The following PIK3R1 variants were observed in gnomAD, a reference collection of about 807,000 sequenced individuals.
The protein encoded by PIK3R1 is phosphatidylinositol 3-kinase regulatory subunit alpha.
PIK3R1 carries 29 observed loss-of-function variants against 98.0 expected under a neutral mutation model. That is an observed-to-expected ratio of 0.30 (90% CI 0.22 to 0.40). The LOEUF is 0.40. PIK3R1 is among the 10% of genes least tolerant of loss of function. The pLI, the probability that PIK3R1 is intolerant of heterozygous loss-of-function variation, is 1.00. For missense variants in PIK3R1, 596 were observed against 872.7 expected, an observed-to-expected ratio of 0.68 and a Z score of 3.99; for synonymous variants, 282 against 311.8, an observed-to-expected ratio of 0.90 and a Z score of 1.01.
intron 1 of PIK3R1, among the ~76,000 whole-genome samples, chr5:68,224,080 C>T (rs914831808): frequency 1.3e-5 from 2 of 152,124 alleles, no homozygotes; most frequent in Non-Finnish European, 2.9e-5. Context: ...ACATACATTG[C>T]CAGGAAAAGC....
At chr5:68,217,641 T>TGGGG (rs1376047068) in intron 1 of PIK3R1, 1 of 137,680 alleles carries the variant, frequency 7.3e-6, no homozygotes, top group Non-Finnish European at 1.6e-5. Context: ...TGTGTGTGTG[T>TGGGG]GTGTGTGTGT....
chr5:68,226,199 T>C (rs752801984), intron 1 of PIK3R1, 91 bp from the exon 2 acceptor site: 4 of 380,676 alleles, frequency 1.1e-5, no homozygotes, highest in Non-Finnish European at 1.9e-5. Flanking sequence ...CCAAATCGAT[T>C]AAGTACTTGT....
intron 1 of PIK3R1, among the ~76,000 whole-genome samples, chr5:68,225,193 T>A (rs1249658243): frequency 6.6e-6 from 1 of 152,210 alleles, no homozygotes. Flanking sequence ...CTTTCCTTCC[T>A]CAGTTACATA....
At chr5:68,233,768 A>G (rs1744565695) in intron 2 of PIK3R1, among the ~76,000 whole-genome samples, 1 of 152,224 alleles carries the variant, frequency 6.6e-6, no homozygotes. Flanking sequence ...TGCAATTAAA[A>G]ACAAAACAAA....
rs73768888 is a variant in PIK3R1 at position 68,231,789 on chromosome 5, C to T, written c.334+4780C>T. Among the ~76,000 whole-genome samples the T allele has an allele frequency of 4.9e-3, 749 of 152,298 alleles. 5 individuals carry two copies. The highest frequency in any genetic ancestry group is 0.016 in the African/African-American group (657 of 41,556). On this transcript the variant is annotated intron_variant, in intron 2 of 15. Transcript: ENST00000521381. ...TCATAACATTCTTCACTCTTCCTTC[C>T]TACTTAAGTCTTTGCTGTGAACTTG... is the stretch of plus-strand genomic sequence containing the variant.
intron 7 of PIK3R1, chr5:68,291,343 T>C (rs1479399481): frequency 3.9e-5 from 6 of 152,238 alleles, no homozygotes; most frequent in African/African-American, 1.4e-4. Flanking sequence ...AAGTTGACTT[T>C]CCATTATTGT....
At chr5:68,262,884 GATACATGT>G (rs1561279025) in intron 2 of PIK3R1, among the ~76,000 whole-genome samples, 1 of 115,402 alleles carries the variant, frequency 8.7e-6, no homozygotes, top group East Asian at 2.7e-4. Context: ...GATACATGTA[GATACATGT>G]ATACATATAT....
chr5:68,275,891 C>T (rs1346336896), intron 4 of PIK3R1, among the ~76,000 whole-genome samples: 3 of 152,140 alleles, frequency 2.0e-5, no homozygotes, highest in African/African-American at 7.2e-5. Context: ...AAAGGACAGA[C>T]ATGGCAGACA....
chr5:68,264,944 G>A (rs1209461707), intron 2 of PIK3R1, among the ~76,000 whole-genome samples: 1 of 152,186 alleles, frequency 6.6e-6, no homozygotes, highest in African/African-American at 2.4e-5. Flanking sequence ...AGTATCATTT[G>A]GGGTCTGGTG....
intron 2 of PIK3R1, among the ~76,000 whole-genome samples, chr5:68,240,347 AT>A (rs1744828075): frequency 6.6e-6 from 1 of 152,210 alleles, no homozygotes; most frequent in Non-Finnish European, 1.5e-5. Flanking sequence ...GTACAGTTAT[AT>A]TGTAACTGTC....
chr5:68,293,859 TA>T (rs544279360), intron 11 of PIK3R1, 25 bp downstream of exon 11: 1 of 1,524,546 alleles, frequency 6.6e-7, no homozygotes, highest in Non-Finnish European at 8.8e-7. Flanking sequence ...AAAATCAGAT[TA>T]AAAAATAAGA....
intron 14 of PIK3R1, chr5:68,295,812 G>T: frequency 2.2e-6 from 1 of 460,920 alleles, no homozygotes; most frequent in Non-Finnish European, 3.9e-6. Flanking sequence ...TAAAGCTTAA[G>T]TATATACTTT....
intron 2 of PIK3R1, among the ~76,000 whole-genome samples, chr5:68,249,022 G>A (rs1485155382): frequency 6.6e-6 from 1 of 152,134 alleles, no homozygotes; most frequent in Non-Finnish European, 1.5e-5. Context: ...AGATAGAGGG[G>A]AAATAAGATA....
At chr5:68,295,658 T>A in intron 14 of PIK3R1, 170 bp downstream of exon 14, 1 of 633,320 alleles carries the variant, frequency 1.6e-6, no homozygotes, top group Non-Finnish European at 2.8e-6. Context: ...AAAAGAAAGC[T>A]TAGCTAAGGA....
At chr5:68,288,569 C>T in intron 7 of PIK3R1, 1 of 1,514,998 alleles carries the variant, frequency 6.6e-7, no homozygotes, top group Non-Finnish European at 8.8e-7. Context: ...AGGGTCCTGG[C>T]GGCGCCCCCG....
intron 2 of PIK3R1, among the ~76,000 whole-genome samples, chr5:68,256,061 G>A (rs1745503408): frequency 6.6e-6 from 1 of 152,158 alleles, no homozygotes; most frequent in African/African-American, 2.4e-5. Context: ...ATTCAAAATA[G>A]TGCATAGTTC....
chr5:68,262,502 CTATA>C (rs1226837908), intron 2 of PIK3R1, among the ~76,000 whole-genome samples: 6 of 132,592 alleles, frequency 4.5e-5, no homozygotes, highest in Admixed American at 2.3e-4. Flanking sequence ...ATACATATAT[CTATA>C]TATGTATACA....
chr5:68,243,816 G>A (rs1744959947), intron 2 of PIK3R1, among the ~76,000 whole-genome samples: 1 of 152,218 alleles, frequency 6.6e-6, no homozygotes, highest in Non-Finnish European at 1.5e-5. Context: ...TTAAATGAAT[G>A]AGAGTGATGA....
intron 2 of PIK3R1, among the ~76,000 whole-genome samples, chr5:68,250,883 A>G (rs1226181731): frequency 2.0e-5 from 3 of 152,228 alleles, no homozygotes; most frequent in Non-Finnish European, 4.4e-5. Flanking sequence ...TAGTTATGAG[A>G]CTTCAGAACC....
Sources: allele counts gnomAD v4.1 joint callset (sites outside exome capture counted in the v4.1 genomes callset), GRCh38; gene constraint gnomAD v4.1.1; transcripts MANE v1.5; gene names NCBI Gene and HGNC (gene_info 2026-07-23, HGNC 2026-07-21).